Variants in AFF3 observed in about 807,000 individuals in gnomAD.
AFF3 encodes the protein AF4/FMR2 family member 3.
In AFF3, 32 loss-of-function variants were observed where a neutral mutation model predicts 129.7. The observed-to-expected ratio is 0.25, with a 90% CI of 0.19 to 0.33. The LOEUF (loss-of-function observed/expected upper bound fraction) is 0.33. Among genes scored for constraint, AFF3 ranks in the 10% least tolerant of loss-of-function variants. The pLI is 1.00. For synonymous variants in AFF3, 644 were observed against 635.4 expected (o/e 1.01, Z -0.20); for missense variants, 1,373 against 1,592.0 (o/e 0.86, Z 2.34).
rs1311554031 is a variant in AFF3, at chr2:99,554,460, G to C, written c.3410C>G (p.Ser1137Cys). 4.3e-6 allele frequency: 7 copies of C among 1,613,948 alleles called. No homozygotes were observed. The highest frequency in any genetic ancestry group is 5.9e-6 in the Non-Finnish European group (7 of 1,180,046). ...CGACGGGGACAGGGCGCTGGCGTTG[G>C]AGAGGCTGCCCTGAGACCCCACGGA... is the stretch of plus-strand genomic sequence containing the variant. ...ASSVGSQGSL[S>C]NASALSPSTI... Residue 1137 changes from serine to cysteine, a missense_variant, in exon 24 of 25, where the codon TCC (serine) becomes TGC (cysteine). Coordinates refer to ENST00000672756, the MANE Select transcript of AFF3 (RefSeq NM_001386135.1).
At chr2:99,822,369 G>A (rs1687758510) in intron 8 of AFF3, among the ~76,000 whole-genome samples, 1 of 151,894 alleles carries the variant, frequency 6.6e-6, no homozygotes, top group African/African-American at 2.4e-5. Context: ...GGGAGGTGGA[G>A]GCACACATTA....
chr2:99,942,725 A>G (rs1675175197), intron 7 of AFF3, among the ~76,000 whole-genome samples: 1 of 151,964 alleles, frequency 6.6e-6, no homozygotes, highest in Non-Finnish European at 1.5e-5. Flanking sequence ...GAAGTCAAGG[A>G]AAGTTTCCCA....
intron 15 of AFF3, 52 bp from the exon 16 acceptor site, chr2:99,587,330 TGAGTTCCCAGGCACC>T (rs1398756232): frequency 6.2e-7 from 1 of 1,606,378 alleles, no homozygotes; most frequent in Non-Finnish European, 8.5e-7. Flanking sequence ...AGAGGTATTA[TGAGTTCCCAGGCACC>T]GACTTCCACA....
At chr2:99,659,761 C>T (rs958150655) in intron 12 of AFF3, among the ~76,000 whole-genome samples, 9 of 152,060 alleles carry the variant, frequency 5.9e-5, no homozygotes, top group African/African-American at 9.7e-5. Context: ...GTGATACTGA[C>T]GTAGCTCCTT....
intron 7 of AFF3, among the ~76,000 whole-genome samples, chr2:99,924,517 G>A (rs114564716): frequency 0.012 from 1,819 of 152,238 alleles, 39 homozygotes; most frequent in African/African-American, 0.042. Flanking sequence ...ATGGTGCTTA[G>A]CATAGCACCT....
Position 99,878,771 on chromosome 2 carries a change from G to T in AFF3, c.874-41247C>A, listed in dbSNP as rs545928613. 7.9e-5 allele frequency among the ~76,000 whole-genome samples: 12 copies of T among 152,234 alleles called. No individual in the cohort carries two copies. The East Asian group carries it at 1.7e-3, about 22-fold the overall frequency. On this transcript the variant is annotated intron_variant, in intron 7 of 24. Coordinates refer to ENST00000672756, the MANE Select transcript of AFF3 (RefSeq NM_001386135.1). ...AAAAGTAAAAGGAGGGTTGGCTAGGGGATTCCCAATGCCTGCCAACAAAAC... is the reference window on the plus strand; with the variant it reads ...AAAAGTAAAAGGAGGGTTGGCTAGGTGATTCCCAATGCCTGCCAACAAAAC...
intron 8 of AFF3, among the ~76,000 whole-genome samples, chr2:99,799,046 A>G (rs572459802): frequency 9.2e-5 from 14 of 152,180 alleles, no homozygotes; most frequent in African/African-American, 3.4e-4. Flanking sequence ...CAGTAAACAA[A>G]TATAAATTAC....
At chr2:99,838,091 T>C (rs983849382) in intron 7 of AFF3, among the ~76,000 whole-genome samples, 1 of 152,196 alleles carries the variant, frequency 6.6e-6, no homozygotes, top group African/African-American at 2.4e-5. Context: ...TCAAGTCACT[T>C]GTTCTGTCAC....
At chr2:99,690,158 A>C (rs1322778065) in intron 11 of AFF3, among the ~76,000 whole-genome samples, 1 of 42,072 alleles carries the variant, frequency 2.4e-5, no homozygotes, top group East Asian at 5.8e-4. Context: ...CACAATCTTT[A>C]TTATTATTAT....
At chr2:99,701,901 C>T (rs1022315317) in intron 11 of AFF3, among the ~76,000 whole-genome samples, 7 of 152,224 alleles carry the variant, frequency 4.6e-5, no homozygotes, top group Non-Finnish European at 1.0e-4. Context: ...AGGTTACATA[C>T]GTGGAATGTG....
At chr2:99,833,578 G>A (rs1688658056) in intron 8 of AFF3, among the ~76,000 whole-genome samples, 1 of 152,110 alleles carries the variant, frequency 6.6e-6, no homozygotes, top group South Asian at 2.1e-4. Context: ...TATGTTATGA[G>A]TGTCTTCAAC....
chr2:99,953,110 T>C (rs1676317073), intron 7 of AFF3, among the ~76,000 whole-genome samples: 1 of 152,140 alleles, frequency 6.6e-6, no homozygotes, highest in Admixed American at 6.5e-5. Context: ...GGCCTGGGAA[T>C]ACAGAGATCG....
At chr2:99,582,660 C>A in intron 17 of AFF3, 138 bp downstream of exon 17, 2 of 872,842 alleles carry the variant, frequency 2.3e-6, no homozygotes, top group East Asian at 2.6e-5. Context: ...TCTGTTGGGT[C>A]TTCCTAGAAG....
At chr2:99,932,219 T>A (rs889603865) in intron 7 of AFF3, among the ~76,000 whole-genome samples, 1 of 152,158 alleles carries the variant, frequency 6.6e-6, no homozygotes, top group Non-Finnish European at 1.5e-5. Flanking sequence ...GATTTTTTTT[T>A]AGCTCATCAG....
At chr2:99,957,441 T>A (rs1055823643) in intron 7 of AFF3, among the ~76,000 whole-genome samples, 1 of 152,178 alleles carries the variant, frequency 6.6e-6, no homozygotes, top group African/African-American at 2.4e-5. Context: ...AATTCATTTA[T>A]GTATGTGTGT....
At chr2:99,576,622 T>G (rs925724033) in intron 18 of AFF3, among the ~76,000 whole-genome samples, 1 of 152,150 alleles carries the variant, frequency 6.6e-6, no homozygotes, top group Non-Finnish European at 1.5e-5. Flanking sequence ...GGAAAATTCC[T>G]TGCATTTTAA....
At chr2:99,665,328 G>A (rs1686583677) in intron 12 of AFF3, among the ~76,000 whole-genome samples, 1 of 152,210 alleles carries the variant, frequency 6.6e-6, no homozygotes, top group African/African-American at 2.4e-5. Flanking sequence ...TTGACTAGCT[G>A]GGAATGGAAA....
rs143326596 is a variant in AFF3, at chr2:100,019,723, T to C, written c.54-10791A>G. 1.8e-3 allele frequency among the ~76,000 whole-genome samples: 272 copies of C among 152,266 alleles called. 1 individual carries two copies. The highest frequency in any genetic ancestry group is 2.2e-3 in the Non-Finnish European group (149 of 68,004). On this transcript the variant is annotated intron_variant, in intron 4 of 24. Transcript: ENST00000672756. ...TCACCACAAAAGCAGAATCGGGATGTGAGGTCAGGGGCTCGGTTCCGCAGT... is the reference window on the plus strand; with the variant it reads ...TCACCACAAAAGCAGAATCGGGATGCGAGGTCAGGGGCTCGGTTCCGCAGT...
intron 7 of AFF3, among the ~76,000 whole-genome samples, chr2:99,907,488 C>T (rs1471356240): frequency 6.6e-6 from 1 of 151,994 alleles, no homozygotes; most frequent in African/African-American, 2.4e-5. Context: ...CACTGTGAAT[C>T]ATGCACCCAG....
Sources: allele counts gnomAD v4.1 joint callset (sites outside exome capture counted in the v4.1 genomes callset), GRCh38; gene constraint gnomAD v4.1.1; transcripts MANE v1.5; gene names NCBI Gene and HGNC (gene_info 2026-07-23, HGNC 2026-07-21).